The following CBFA2T3 variants were observed in gnomAD, a reference collection of about 807,000 sequenced individuals.
The protein encoded by CBFA2T3 is CBFA2/RUNX1 partner transcriptional co-repressor 3, also known as transcriptional corepressor CBFA2T3.
A neutral mutation model predicts 58.6 loss-of-function variants in CBFA2T3; 31 were observed. The observed-to-expected ratio is 0.53, with a 90% confidence interval of 0.40 to 0.71. CBFA2T3 has a LOEUF of 0.71. CBFA2T3 is among the 30% of genes least tolerant of loss of function. The pLI is 0.00. For synonymous variants in CBFA2T3, 531 were observed against 421.9 expected, an observed-to-expected ratio of 1.26 and a Z score of -3.17; for missense variants, 1,076 against 963.1, an observed-to-expected ratio of 1.12 and a Z score of -1.55.
At position 88,925,105 on chromosome 16, in the gene CBFA2T3, G is replaced by A. The variant is rs556416767; in HGVS notation, c.152-23449C>T. Among the ~76,000 whole-genome samples the A allele has an allele frequency of 3.3e-5, 5 of 152,362 alleles. No individual in the cohort carries two copies. In the South Asian group the frequency reaches 6.2e-4, roughly 19 times the overall value. The stretch of plus-strand genomic sequence containing the variant: ...GACCCGCCCGGAATCACACAGCAAC[G>A]GCCTCGTCCTGGACACCGAGCTCGC... On this transcript the variant is annotated intron_variant, in intron 1 of 11. Transcript: ENST00000268679.
intron 1 of CBFA2T3, among the ~76,000 whole-genome samples, chr16:88,925,057 G>A (rs1971040753): frequency 6.6e-6 from 1 of 152,242 alleles, no homozygotes; most frequent in African/African-American, 2.4e-5. Context: ...ACCAGCCCAA[G>A]GGGGAAGCAG....
chr16:88,904,921 A>C (rs1970246564), intron 1 of CBFA2T3, among the ~76,000 whole-genome samples: 1 of 152,204 alleles, frequency 6.6e-6, no homozygotes, highest in African/African-American at 2.4e-5. Flanking sequence ...TTGGCAAGCA[A>C]GGAAACCAGG....
intron 1 of CBFA2T3, among the ~76,000 whole-genome samples, chr16:88,906,955 C>T (rs1461037036): frequency 6.6e-6 from 1 of 152,232 alleles, no homozygotes; most frequent in African/African-American, 2.4e-5. Context: ...CTGGCTCGTA[C>T]TGGAGGCTGG....
chr16:88,959,244 C>T (rs1237689735), intron 1 of CBFA2T3, among the ~76,000 whole-genome samples: 2 of 152,228 alleles, frequency 1.3e-5, no homozygotes, highest in Non-Finnish European at 2.9e-5. Context: ...GCTACATGGA[C>T]AGTCACATGA....
chr16:88,975,574 G>A (rs1376380154), intron 1 of CBFA2T3, among the ~76,000 whole-genome samples: 1 of 152,278 alleles, frequency 6.6e-6, no homozygotes, highest in Admixed American at 6.5e-5. Context: ...GCAGATGCCA[G>A]GGCCAGTGGG....
chr16:88,952,945 AGGGCCTGTGTC>A lies in CBFA2T3; in HGVS notation c.151+23701_151+23711del, dbSNP rs1467361832. 1.0e-4 allele frequency among the ~76,000 whole-genome samples: 14 copies of A among 138,252 alleles called. 1 individual carries two copies. The highest frequency in any genetic ancestry group is 2.0e-4 in the Non-Finnish European group (13 of 64,562). 90.7% of individuals were successfully genotyped at this position (138,252 alleles called of 152,430 possible). ...GACGGCATGTCCAGGACCCCCACGC[AGGGCCTGTGTC>A]GAGACGGCATGTCCAGGACCCCCAC... On this transcript the variant is annotated intron_variant, in intron 1 of 11. Coordinates refer to ENST00000268679, the MANE Select transcript of CBFA2T3 (RefSeq NM_005187.6).
chr16:88,946,584 G>A (rs1460162782), intron 1 of CBFA2T3, among the ~76,000 whole-genome samples: 1 of 150,970 alleles, frequency 6.6e-6, no homozygotes, highest in Non-Finnish European at 1.5e-5. Flanking sequence ...CCGGGTTCAA[G>A]CAATTCTCCT....
chr16:88,947,476 A>C (rs1390051093), intron 1 of CBFA2T3, among the ~76,000 whole-genome samples: 2 of 152,324 alleles, frequency 1.3e-5, no homozygotes, highest in East Asian at 3.9e-4. Flanking sequence ...ATCGTACAAA[A>C]CTAGGTACAT....
At chr16:88,952,842 A>T (rs1326877581) in intron 1 of CBFA2T3, among the ~76,000 whole-genome samples, 1 of 151,848 alleles carries the variant, frequency 6.6e-6, no homozygotes, top group Non-Finnish European at 1.5e-5. Context: ...CTGGAGCCAC[A>T]GCTCAAGGCT....
rs1384651354 is a variant in CBFA2T3, at chr16:88,972,471, TG to T, written c.151+4185del. Among the ~76,000 whole-genome samples the T allele has an allele frequency of 1.8e-3, 278 of 152,306 alleles. 1 individual carries two copies. Among genetic ancestry groups the T allele is most frequent in the Non-Finnish European group, 3.4e-3 (234 of 68,018 alleles). Reference sequence around the variant, plus strand: ...CCAGAGCTCTGCACTCTGCCGCCTCTGTCTGACCTTCGTAAATCCTCCCTCA... The same window carrying T: ...CCAGAGCTCTGCACTCTGCCGCCTCTTCTGACCTTCGTAAATCCTCCCTCA... On this transcript the variant is annotated intron_variant, in intron 1 of 11. Transcript: ENST00000268679.
rs1972877927 is a variant in CBFA2T3 at position 88,976,892 on chromosome 16, G to C, written c.-85C>G. The C allele has an allele frequency of 7.5e-6, 11 of 1,465,418 alleles. No homozygotes were observed. Among genetic ancestry groups the C allele is most frequent in the Non-Finnish European group, 1.0e-5 (11 of 1,093,114 alleles). The allele number at this position is 1,465,418 out of a possible 1,614,324, so 90.8% of individuals were successfully genotyped here. A position where few individuals can be genotyped will look rare whatever the true frequency, so the allele number is the denominator to read the frequency against. On this transcript the variant is annotated 5_prime_UTR_variant, in exon 1 of 12. Coordinates refer to ENST00000268679, the MANE Select transcript of CBFA2T3 (RefSeq NM_005187.6). ...CTTTCCCGACCTCCTGCAGCCTTGA[G>C]GGAAAGAGGAGGGGCTGGGCCAGCT...
At chr16:88,975,850 A>T (rs1972845813) in intron 1 of CBFA2T3, among the ~76,000 whole-genome samples, 1 of 152,184 alleles carries the variant, frequency 6.6e-6, no homozygotes, top group African/African-American at 2.4e-5. Context: ...TCTGTGTGTG[A>T]GTGTCAGGGG....
intron 1 of CBFA2T3, among the ~76,000 whole-genome samples, chr16:88,905,947 C>A (rs931999927): frequency 1.8e-4 from 27 of 146,948 alleles, no homozygotes; most frequent in African/African-American, 7.4e-4. Context: ...CGTGGGTCCA[C>A]CCCACAGCCA....
chr16:88,887,239 G>A (rs898772768), intron 5 of CBFA2T3: 2 of 152,274 alleles, frequency 1.3e-5, no homozygotes, highest in African/African-American at 4.8e-5. Flanking sequence ...CTGCCGGCCT[G>A]TTTTTCTCTT....
intron 1 of CBFA2T3, among the ~76,000 whole-genome samples, chr16:88,973,289 G>A (rs1972703423): frequency 6.6e-6 from 1 of 152,236 alleles, no homozygotes; most frequent in Non-Finnish European, 1.5e-5. Context: ...AGATTTGGGA[G>A]GGAGGAGACG....
intron 1 of CBFA2T3, among the ~76,000 whole-genome samples, chr16:88,922,702 G>C (rs768110427): frequency 6.6e-6 from 1 of 152,242 alleles, no homozygotes; most frequent in Non-Finnish European, 1.5e-5. Context: ...CCGGGTCCCA[G>C]CTTGCAGCCG....
At chr16:88,906,787 C>A (rs954453065) in intron 1 of CBFA2T3, among the ~76,000 whole-genome samples, 4 of 152,158 alleles carry the variant, frequency 2.6e-5, no homozygotes, top group African/African-American at 9.7e-5. Flanking sequence ...GTCTCAGAGC[C>A]CAGAAGCACC....
intron 1 of CBFA2T3, among the ~76,000 whole-genome samples, chr16:88,914,777 A>C (rs549722771): frequency 4.1e-4 from 62 of 152,322 alleles, no homozygotes; most frequent in African/African-American, 1.3e-3. Context: ...TGGTGAGCTC[A>C]GAGGCTGGAG....
In CBFA2T3 at chr16:88,940,561, G is replaced by C. The variant is rs376884557; in HGVS notation, c.151+36096C>G. Among the ~76,000 whole-genome samples the C allele has an allele frequency of 8.7e-3, 1,320 of 152,318 alleles. 20 individuals carry two copies. Among genetic ancestry groups the C allele is most frequent in the African/African-American group, 0.031 (1,278 of 41,576 alleles). On this transcript the variant is annotated intron_variant, in intron 1 of 11. Coordinates refer to ENST00000268679, the MANE Select transcript of CBFA2T3 (RefSeq NM_005187.6). ...GGCAGGGTCCAGGACCCCCAGCGCG[G>C]ACCACCTTTAGCCTGCGGGGCAGCG...
Sources: gnomAD v4.1 joint callset for allele counts (sites outside exome capture counted in the v4.1 genomes callset) on GRCh38, gnomAD v4.1.1 for gene constraint, MANE v1.5 for transcripts, NCBI Gene and HGNC (gene_info 2026-07-23, HGNC 2026-07-21) for gene names.